Variants in TMEM131 observed in about 807,000 individuals in gnomAD.
The protein encoded by TMEM131 is 2610524E03Rik.
Under a neutral mutation model 211.6 loss-of-function variants are expected in TMEM131, and 66 were observed. The ratio of observed to expected loss-of-function variants is 0.31; its 90% CI spans 0.26 to 0.38. The LOEUF is 0.38. TMEM131 is among the 10% of genes least tolerant of loss of function. TMEM131 has a pLI of 1.00. For missense variants in TMEM131, 2,036 were observed against 2,299.3 expected (o/e 0.89, Z 2.34); for synonymous variants, 844 against 841.3 (o/e 1.00, Z -0.06).
In TMEM131 at chr2:97,860,121, T is replaced by G. The variant is rs555526207; in HGVS notation, c.360-694A>C. Among the ~76,000 whole-genome samples the G allele has an allele frequency of 2.0e-4, 30 of 152,368 alleles. No individual in the cohort carries two copies. The East Asian group carries it at 5.2e-3, about 26-fold the overall frequency. On this transcript the variant is annotated intron_variant, in intron 4 of 40. Transcript: ENST00000186436. ...CTTTATTCTATAGTCCACTTACTAC[T>G]TCTGTAGCTAATCTTATTGGTACAG...
chr2:97,884,500 C>T (rs950834254), intron 4 of TMEM131, among the ~76,000 whole-genome samples: 12 of 152,120 alleles, frequency 7.9e-5, no homozygotes, highest in Non-Finnish European at 1.8e-4. Context: ...GATGACCTGT[C>T]CAATGCTGAG....
chr2:97,762,088 G>A lies in TMEM131; in HGVS notation c.4836C>T (p.Cys1612=). Residue 1612 remains cysteine (C), a synonymous_variant, in exon 36 of 41, where the codon TGC becomes TGT. Coordinates refer to ENST00000186436, the MANE Select transcript of TMEM131 (RefSeq NM_015348.2). ...PASPSPPAAP[C]PFVARGSYSS... Reference sequence around the variant, plus strand: ...TGTAGCTGCCCCGGGCCACAAAGGGGCAGGGGGCAGCTGGGGGAGACGGGG... The same window carrying A: ...TGTAGCTGCCCCGGGCCACAAAGGGACAGGGGGCAGCTGGGGGAGACGGGG... The A allele has an allele frequency of 1.9e-6, 3 of 1,610,594 alleles. No homozygotes were observed. The highest frequency in any genetic ancestry group is 2.5e-6 in the Non-Finnish European group (3 of 1,178,362).
chr2:97,834,490 T>G, intron 10 of TMEM131, 131 bp downstream of exon 10: 1 of 743,568 alleles, frequency 1.3e-6, no homozygotes, highest in Non-Finnish European at 2.1e-6. Context: ...AAAGGAGATT[T>G]GTACAAGATC....
intron 2 of TMEM131, among the ~76,000 whole-genome samples, chr2:97,925,968 T>C (rs2104438496): frequency 6.6e-6 from 1 of 151,912 alleles, no homozygotes; most frequent in East Asian, 1.9e-4. Flanking sequence ...AAAAATTAGC[T>C]GGGCATGGTG....
At chr2:97,819,136 T>C (rs1245571028) in intron 11 of TMEM131, among the ~76,000 whole-genome samples, 2 of 152,180 alleles carry the variant, frequency 1.3e-5, no homozygotes, top group Non-Finnish European at 2.9e-5. Flanking sequence ...AGAATAAACA[T>C]GAACTTGGAA....
At chr2:97,813,162 A>G (rs1559375495) in intron 15 of TMEM131, among the ~76,000 whole-genome samples, 2 of 152,178 alleles carry the variant, frequency 1.3e-5, no homozygotes, top group African/African-American at 4.8e-5. Context: ...CTGAGGGCAC[A>G]TGAAAGAGGC....
intron 4 of TMEM131, among the ~76,000 whole-genome samples, chr2:97,864,353 G>T (rs1226496472): frequency 6.6e-6 from 1 of 151,978 alleles, no homozygotes; most frequent in Non-Finnish European, 1.5e-5. Context: ...AAAATTAACT[G>T]TACCTTTTAA....
chr2:97,809,903 T>C, intron 18 of TMEM131, 129 bp from the exon 19 acceptor site: 2 of 648,062 alleles, frequency 3.1e-6, no homozygotes, highest in East Asian at 2.8e-5. Context: ...TCCATACCAA[T>C]ATTAAAATCA....
chr2:97,881,032 C>T (rs1375812881), intron 4 of TMEM131, among the ~76,000 whole-genome samples: 3 of 152,108 alleles, frequency 2.0e-5, no homozygotes. Context: ...TAGGGCAGTT[C>T]CAGGGTTAAT....
chr2:97,917,659 T>C (rs1676562562), intron 2 of TMEM131, among the ~76,000 whole-genome samples: 1 of 152,192 alleles, frequency 6.6e-6, no homozygotes, highest in Admixed American at 6.5e-5. Flanking sequence ...CTTCTTCACA[T>C]GGCAGCAGCA....
chr2:97,765,177 AGTAGTACTAAAAG>A (rs1679097171), intron 35 of TMEM131: 1 of 152,238 alleles, frequency 6.6e-6, no homozygotes. Flanking sequence ...CCTGGCAAAA[AGTAGTACTAAAAG>A]GTGCCAGAAA....
Position 97,757,063 on chromosome 2 carries a change from C to T in TMEM131, c.*36G>A, listed in dbSNP as rs200376535. ...AGAAACTGGCACATCATGATCTAGA[C>T]GAGGGCCCACTATGTTTGTTTGTTT... On this transcript the variant is annotated 3_prime_UTR_variant, in exon 41 of 41. Transcript: ENST00000186436. 3.3e-5 allele frequency: 51 copies of T among 1,542,842 alleles called. No homozygotes were observed. The highest frequency in any genetic ancestry group is 1.1e-4 in the Admixed American group (6 of 52,176).
At chr2:97,814,212 A>C in intron 14 of TMEM131, 23 bp downstream of exon 14, 1 of 1,610,684 alleles carries the variant, frequency 6.2e-7, no homozygotes. Context: ...GAAAATTAAA[A>C]GTATGAGGGC....
intron 2 of TMEM131, among the ~76,000 whole-genome samples, chr2:97,916,965 A>G (rs902350763): frequency 2.0e-5 from 3 of 152,178 alleles, no homozygotes; most frequent in African/African-American, 7.2e-5. Context: ...CTACAAGCTT[A>G]TATTTCTTTT....
intron 35 of TMEM131, chr2:97,762,420 C>T (rs2104764651): frequency 2.2e-6 from 1 of 464,148 alleles, no homozygotes; most frequent in South Asian, 2.3e-5. Context: ...TGCCCGGTCC[C>T]TGCTGTGTTG....
intron 4 of TMEM131, among the ~76,000 whole-genome samples, chr2:97,887,571 G>A (rs1171709128): frequency 6.6e-6 from 1 of 152,116 alleles, no homozygotes; most frequent in African/African-American, 2.4e-5. Flanking sequence ...GGTTTGCTTA[G>A]CTCATCAAGG....
intron 2 of TMEM131, among the ~76,000 whole-genome samples, chr2:97,921,254 T>C (rs375612784): frequency 2.6e-5 from 4 of 152,090 alleles, no homozygotes; most frequent in South Asian, 2.1e-4. Flanking sequence ...TGACAAATAC[T>C]AGGGAAAGAA....
chr2:97,856,625 G>A (rs1673857737), intron 5 of TMEM131, among the ~76,000 whole-genome samples: 2 of 152,166 alleles, frequency 1.3e-5, no homozygotes. Context: ...GCATGACAAA[G>A]GCAATTAGAG....
At chr2:97,941,388 C>T (rs1210001918) in intron 1 of TMEM131, among the ~76,000 whole-genome samples, 2 of 152,120 alleles carry the variant, frequency 1.3e-5, no homozygotes, top group African/African-American at 4.8e-5. Flanking sequence ...AAAACCTAGG[C>T]AATACCATTC....
Sources: allele counts gnomAD v4.1 joint callset (sites outside exome capture counted in the v4.1 genomes callset), GRCh38; gene constraint gnomAD v4.1.1; transcripts MANE v1.5; gene names NCBI Gene and HGNC (gene_info 2026-07-23, HGNC 2026-07-21).